DLG2: variants seen among roughly 807,000 people sequenced by gnomAD.
DLG2 encodes the protein disks large homolog 2.
Under a neutral mutation model 132.5 loss-of-function variants are expected in DLG2, and 45 were observed. That is an observed-to-expected ratio of 0.34 (90% CI 0.27 to 0.44). The LOEUF is 0.44. Among genes scored for constraint, DLG2 ranks in the 20% least tolerant of loss-of-function variants. The pLI, the probability that DLG2 is intolerant of heterozygous loss-of-function variation, is 1.00. For missense variants in DLG2, 1,045 were observed against 1,196.9 expected (o/e 0.87, Z 1.87); for synonymous variants, 424 against 419.6 (o/e 1.01, Z -0.13).
At chr11:84,008,301 TAA>T (rs1332930975) in intron 11 of DLG2, among the ~76,000 whole-genome samples, 2 of 151,958 alleles carry the variant, frequency 1.3e-5, no homozygotes, top group South Asian at 2.1e-4. Context: ...GTGAATTCTT[TAA>T]GAGTCTCTAT....
intron 3 of DLG2, among the ~76,000 whole-genome samples, chr11:85,449,919 G>A (rs1196815564): frequency 6.6e-6 from 1 of 151,950 alleles, no homozygotes; most frequent in Non-Finnish European, 1.5e-5. Flanking sequence ...CCTGAGGTCG[G>A]GAGTTCGAGA....
At chr11:83,912,562 C>T (rs1317285614) in intron 15 of DLG2, among the ~76,000 whole-genome samples, 1 of 151,998 alleles carries the variant, frequency 6.6e-6, no homozygotes, top group East Asian at 1.9e-4. Context: ...AAGACAAATC[C>T]ACGTTTTAGT....
chr11:84,077,568 G>T (rs1442090449), intron 10 of DLG2, among the ~76,000 whole-genome samples: 1 of 152,144 alleles, frequency 6.6e-6, no homozygotes, highest in African/African-American at 2.4e-5. Context: ...ACAACTATGT[G>T]CTATTTTTGC....
intron 6 of DLG2, among the ~76,000 whole-genome samples, chr11:85,009,847 T>C (rs1270920666): frequency 6.6e-6 from 1 of 152,126 alleles, no homozygotes; most frequent in African/African-American, 2.4e-5. Context: ...TACATATTGC[T>C]TACCAGATTC....
At chr11:85,288,362 C>T (rs926874594) in intron 3 of DLG2, among the ~76,000 whole-genome samples, 1 of 151,966 alleles carries the variant, frequency 6.6e-6, no homozygotes, top group Non-Finnish European at 1.5e-5. Flanking sequence ...TACAGATATA[C>T]ATCTTTCCCA....
At chr11:84,179,501 C>G (rs2096062104) in intron 8 of DLG2, among the ~76,000 whole-genome samples, 1 of 152,054 alleles carries the variant, frequency 6.6e-6, no homozygotes, top group African/African-American at 2.4e-5. Context: ...GTTAGATGCT[C>G]AATGTGAAAA....
Position 84,366,681 on chromosome 11 carries a change from A to G in DLG2, c.520-115390T>C, listed in dbSNP as rs576965570. 2.6e-5 allele frequency among the ~76,000 whole-genome samples: 4 copies of G among 152,256 alleles called. No homozygotes were observed. In the South Asian group the frequency reaches 8.3e-4, roughly 32 times the overall value. On this transcript the variant is annotated intron_variant, in intron 7 of 27. Transcript: ENST00000376104. Reference sequence around the variant, plus strand: ...GCAATCCTAGTCTCTGATAAAACAGACTTTAAACCAACAAAGATCAAAAGA... The same window carrying G: ...GCAATCCTAGTCTCTGATAAAACAGGCTTTAAACCAACAAAGATCAAAAGA...
intron 6 of DLG2, among the ~76,000 whole-genome samples, chr11:84,813,008 C>A (rs919292336): frequency 6.6e-6 from 1 of 151,960 alleles, no homozygotes; most frequent in African/African-American, 2.4e-5. Flanking sequence ...GGTTATCCAC[C>A]CAGTTACATC....
chr11:85,109,531 G>A (rs548377486), intron 6 of DLG2, among the ~76,000 whole-genome samples: 4 of 152,166 alleles, frequency 2.6e-5, no homozygotes, highest in African/African-American at 9.6e-5. Context: ...AATGAAAGAT[G>A]AACGATTTAT....
chr11:84,051,151 T>C (rs1422950062), intron 11 of DLG2, among the ~76,000 whole-genome samples: 2 of 151,852 alleles, frequency 1.3e-5, no homozygotes, highest in South Asian at 2.1e-4. Context: ...TGTGGAGAAA[T>C]AGGAACACTT....
intron 6 of DLG2, among the ~76,000 whole-genome samples, chr11:84,860,433 T>A: frequency 6.6e-6 from 1 of 152,136 alleles, no homozygotes; most frequent in Non-Finnish European, 1.5e-5. Context: ...GGGCTTCATT[T>A]GTAGGTAGAA....
intron 6 of DLG2, among the ~76,000 whole-genome samples, chr11:84,753,671 G>A (rs537025253): frequency 6.6e-6 from 1 of 152,302 alleles, no homozygotes; most frequent in South Asian, 2.1e-4. Context: ...ACTGGAGATG[G>A]AATTTGGGAG....
intron 11 of DLG2, among the ~76,000 whole-genome samples, chr11:84,010,888 A>T (rs911041174): frequency 1.3e-5 from 2 of 151,958 alleles, no homozygotes; most frequent in African/African-American, 2.4e-5. Context: ...TGGGTATACA[A>T]CTCTTGCATT....
chr11:84,700,341 G>A (rs1056218160), intron 6 of DLG2, among the ~76,000 whole-genome samples: 1 of 151,208 alleles, frequency 6.6e-6, no homozygotes, highest in Non-Finnish European at 1.5e-5. Context: ...AAAAAAAAAT[G>A]AACAAAAATA....
chr11:85,027,771 A>G (rs954645631), intron 6 of DLG2, among the ~76,000 whole-genome samples: 3 of 152,242 alleles, frequency 2.0e-5, no homozygotes, highest in African/African-American at 7.2e-5. Flanking sequence ...GGAAGCTTGG[A>G]GACACCAGGA....
At chr11:84,984,600 TACAG>T (rs67751498) in intron 6 of DLG2, among the ~76,000 whole-genome samples, 59,560 of 149,890 alleles carry the variant, frequency 0.4, 12,209 homozygotes, top group East Asian at 0.61. Flanking sequence ...TTCCAAGGTA[TACAG>T]GCAACAAATA....
At chr11:83,996,366 T>C (rs146479916) in intron 11 of DLG2, among the ~76,000 whole-genome samples, 1 of 152,300 alleles carries the variant, frequency 6.6e-6, no homozygotes, top group East Asian at 1.9e-4. Flanking sequence ...CCTTGTACAC[T>C]GTTGGTGGAA....
At position 83,581,645 on chromosome 11, in the gene DLG2, C is replaced by A. The variant is rs533426165; in HGVS notation, c.1941-39787G>T. ...TTGTTTTTCCCCAGCAAGACTTGTC[C>A]CAAATTTAAATAAAAATTAAAAAGA... On this transcript the variant is annotated intron_variant, in intron 19 of 27. Transcript: ENST00000376104. Among the ~76,000 whole-genome samples, 47 of 152,110 alleles carry A rather than the reference C, an allele frequency of 3.1e-4. 1 individual carries two copies. Among genetic ancestry groups the A allele is most frequent in the African/African-American group, 1.1e-3 (45 of 41,504 alleles).
intron 16 of DLG2, among the ~76,000 whole-genome samples, chr11:83,851,725 G>T (rs1414809412): frequency 6.6e-6 from 1 of 151,138 alleles, no homozygotes; most frequent in Non-Finnish European, 1.5e-5. Flanking sequence ...TTCAAGACCA[G>T]CCTGGCCAAA....
Sources: gnomAD v4.1 joint callset for allele counts (sites outside exome capture counted in the v4.1 genomes callset) on GRCh38, gnomAD v4.1.1 for gene constraint, MANE v1.5 for transcripts, NCBI Gene and HGNC (gene_info 2026-07-23, HGNC 2026-07-21) for gene names.